THADA: variants seen among roughly 807,000 people sequenced by gnomAD.
The protein encoded by THADA is THADA armadillo repeat containing, also known as tRNA (32-2'-O)-methyltransferase regulator THADA.
Under a neutral mutation model 219.8 loss-of-function variants are expected in THADA, and 213 were observed. The observed-to-expected ratio is 0.97, with a 90% CI of 0.87 to 1.09. THADA has a LOEUF of 1.09. Among genes scored for constraint, THADA ranks in the 50% least tolerant of loss-of-function variants. The probability of loss-of-function intolerance (pLI) is 0.00; values close to 1 mark genes in which losing one functional copy is unlikely to be tolerated. For synonymous variants in THADA, 1,018 were observed against 828.9 expected, an observed-to-expected ratio of 1.23 and a Z score of -3.92; for missense variants, 2,956 against 2,311.3, an observed-to-expected ratio of 1.28 and a Z score of -5.72.
At chr2:43,554,883 A>T (rs1163889701) in intron 17 of THADA, among the ~76,000 whole-genome samples, 1 of 152,052 alleles carries the variant, frequency 6.6e-6, no homozygotes, top group Non-Finnish European at 1.5e-5. Flanking sequence ...CAGATTTTAT[A>T]TTTTTTCAGA....
intron 35 of THADA, among the ~76,000 whole-genome samples, chr2:43,285,632 C>T (rs1011691458): frequency 2.7e-5 from 4 of 150,704 alleles, no homozygotes; most frequent in East Asian, 1.9e-4. Flanking sequence ...GGCGTGATCT[C>T]GGCTCACCGT....
chr2:43,236,136 T>C (rs1258125051), intron 36 of THADA, among the ~76,000 whole-genome samples: 2 of 152,018 alleles, frequency 1.3e-5, no homozygotes, highest in Non-Finnish European at 2.9e-5. Context: ...CCATGAATCA[T>C]GGTTAGGAAG....
intron 31 of THADA, among the ~76,000 whole-genome samples, chr2:43,304,797 G>A (rs1482287682): frequency 2.6e-5 from 4 of 151,476 alleles, no homozygotes; most frequent in Non-Finnish European, 4.4e-5. Flanking sequence ...TCAGCCTCCC[G>A]AGTAGCTGGG....
chr2:43,360,778 A>G (rs1187574374), intron 29 of THADA, among the ~76,000 whole-genome samples: 3 of 152,186 alleles, frequency 2.0e-5, no homozygotes, highest in African/African-American at 7.2e-5. Context: ...GGAAAGTTCA[A>G]AGAGAAGTTG....
intron 29 of THADA, among the ~76,000 whole-genome samples, chr2:43,369,725 G>A (rs1670582268): frequency 6.6e-6 from 1 of 152,078 alleles, no homozygotes. Flanking sequence ...AGGTAAAGCT[G>A]GGAAACACTG....
chr2:43,267,873 C>A (rs1439399528), intron 36 of THADA, among the ~76,000 whole-genome samples: 1 of 152,230 alleles, frequency 6.6e-6, no homozygotes, highest in Non-Finnish European at 1.5e-5. Context: ...TATACCCCGA[C>A]TAAAACACCA....
chr2:43,390,295 G>A lies in THADA; in HGVS notation c.4227+7676C>T, dbSNP rs530345403. On this transcript the variant is annotated intron_variant, in intron 29 of 37. Transcript: ENST00000405975. ...GGAGCTCTTAAGTTTCTAAAGTAAT[G>A]GCATCCTTCCTGGCCTTGTTTATCC... Among the ~76,000 whole-genome samples the A allele has an allele frequency of 3.7e-4, 56 of 152,222 alleles. 1 individual carries two copies. In the South Asian group the frequency reaches 9.7e-3, roughly 26 times the overall value.
At chr2:43,249,993 C>A (rs1373659620) in intron 36 of THADA, among the ~76,000 whole-genome samples, 1 of 152,160 alleles carries the variant, frequency 6.6e-6, no homozygotes, top group Non-Finnish European at 1.5e-5. Context: ...CAAGAAAGGA[C>A]CTCCAGTTCC....
chr2:43,574,698 G>A lies in THADA; in HGVS notation c.1367C>T (p.Thr456Met), dbSNP rs574838357. The part of the protein sequence containing the change: ...RLEWHIKGKY[T>M]CLGCLVECIG... ...GCACTCTACCAAACAACCAAGGCAC[G>A]TGTACTTTCCTTTAATATGCCATTC... The change falls in exon 11 of 38, where the codon ACG (threonine) becomes ATG (methionine). Residue 456 changes from threonine (T) to methionine (M), a missense_variant. Transcript: ENST00000405975. 9.9e-6 allele frequency: 16 copies of A among 1,613,978 alleles called. No homozygotes were observed. The highest frequency in any genetic ancestry group is 3.3e-5 in the Admixed American group (2 of 60,016).
At chr2:43,249,045 T>G (rs559622628) in intron 36 of THADA, among the ~76,000 whole-genome samples, 2 of 152,222 alleles carry the variant, frequency 1.3e-5, no homozygotes, top group East Asian at 3.9e-4. Flanking sequence ...TGCCACTTCC[T>G]TGGTCCATCC....
chr2:43,261,929 G>T (rs558558845), intron 36 of THADA, among the ~76,000 whole-genome samples: 1 of 151,754 alleles, frequency 6.6e-6, no homozygotes, highest in South Asian at 2.1e-4. Flanking sequence ...GAGCCACCGC[G>T]CCTGGCAATT....
At chr2:43,260,634 T>G (rs1020171622) in intron 36 of THADA, among the ~76,000 whole-genome samples, 8 of 152,226 alleles carry the variant, frequency 5.3e-5, no homozygotes, top group African/African-American at 1.7e-4. Flanking sequence ...AATTTTTGTG[T>G]TGTCATTGGC....
chr2:43,581,873 C>T lies in THADA; in HGVS notation c.589G>A (p.Gly197Ser), dbSNP rs1372425372. 1 of 1,604,754 alleles carries T rather than the reference C, an allele frequency of 6.2e-7. No homozygotes were observed. Among genetic ancestry groups the T allele is most frequent in the East Asian group, 2.3e-5 (1 of 44,392 alleles). The change falls in exon 8 of 38, where the codon GGC (glycine) becomes AGC (serine). Residue 197 changes from glycine (G) to serine (S), a missense_variant. By Grantham distance (56) the Gly-to-Ser change is moderately conservative. Coordinates refer to ENST00000405975, the MANE Select transcript of THADA (RefSeq NM_022065.5). ...ACTAACATCATTGAAACTCTAATGCCTACCAGTAAGTCATTCATCAACTGT... is the reference window on the plus strand; with the variant it reads ...ACTAACATCATTGAAACTCTAATGCTTACCAGTAAGTCATTCATCAACTGT... ...QTQLMNDLLV[G>S]IRVSMMLVQK...
intron 17 of THADA, 27 bp downstream of exon 17, chr2:43,556,318 T>C: frequency 1.2e-6 from 2 of 1,609,470 alleles, no homozygotes; most frequent in South Asian, 2.2e-5. Context: ...GCTATTCGTT[T>C]TGATAAGAGC....
chr2:43,470,550 T>A (rs1238023973), intron 26 of THADA, among the ~76,000 whole-genome samples: 2 of 152,144 alleles, frequency 1.3e-5, no homozygotes, highest in Admixed American at 6.5e-5. Context: ...AAAGGGAGGA[T>A]ACAAAACTGT....
Position 43,578,216 on chromosome 2 carries a change from C to T in THADA, c.816+297G>A, listed in dbSNP as rs1700057951. On this transcript the variant is annotated intron_variant, in intron 9 of 37. Transcript: ENST00000405975. Reference sequence around the variant, plus strand: ...TGCCCAGACTGGTGCAATCTTATCTCACTGCAGCCTTAAACTCCTAGGCTC... The same window carrying T: ...TGCCCAGACTGGTGCAATCTTATCTTACTGCAGCCTTAAACTCCTAGGCTC... Among the ~76,000 whole-genome samples the T allele has an allele frequency of 2.6e-5, 4 of 151,554 alleles. No individual in the cohort carries two copies. The South Asian group carries it at 8.3e-4, about 32-fold the overall frequency.
At chr2:43,285,825 A>G (rs189116277) in intron 35 of THADA, among the ~76,000 whole-genome samples, 2 of 152,294 alleles carry the variant, frequency 1.3e-5, no homozygotes, top group Non-Finnish European at 2.9e-5. Context: ...TGCTGGGATT[A>G]CAGACGTGAG....
intron 29 of THADA, among the ~76,000 whole-genome samples, chr2:43,347,884 G>T (rs1667811862): frequency 6.6e-6 from 1 of 152,176 alleles, no homozygotes; most frequent in Non-Finnish European, 1.5e-5. Context: ...CAATGTCATG[G>T]AATGTGTACT....
In THADA at chr2:43,432,107, C is replaced by T. The variant is rs889372012; in HGVS notation, c.3837-1805G>A. Among the ~76,000 whole-genome samples the T allele has an allele frequency of 2.9e-5, 4 of 138,748 alleles. No homozygotes were observed. The South Asian group carries it at 6.9e-4, about 24-fold the overall frequency. 91.0% of individuals were successfully genotyped at this position (138,748 alleles called of 152,430 possible). ...TCCTGACCTCGTGATCCGCCCGCCT[C>T]GGCCTCCCAAAGTGCTGGGATTACA... On this transcript the variant is annotated intron_variant, in intron 26 of 37. Coordinates refer to ENST00000405975, the MANE Select transcript of THADA (RefSeq NM_022065.5).
Sources: allele counts gnomAD v4.1 joint callset (sites outside exome capture counted in the v4.1 genomes callset), GRCh38; gene constraint gnomAD v4.1.1; transcripts MANE v1.5; gene names NCBI Gene and HGNC (gene_info 2026-07-23, HGNC 2026-07-21).